Variants in MICAL1 observed in about 807,000 individuals in gnomAD.
MICAL1 encodes the protein [F-actin]-monooxygenase MICAL1.
MICAL1 carries 95 observed loss-of-function variants against 131.8 expected under a neutral mutation model. The ratio of observed to expected loss-of-function variants is 0.72; its 90% CI spans 0.61 to 0.86. MICAL1 has a LOEUF of 0.86. MICAL1 is among the 40% of genes least tolerant of loss of function. MICAL1 has a pLI of 0.00. For synonymous variants in MICAL1, 546 were observed against 554.2 expected (o/e 0.99, Z 0.21); for missense variants, 1,292 against 1,380.6 (o/e 0.94, Z 1.02).
Position 109,445,514 on chromosome 6 carries a change from C to T in MICAL1, c.2689G>A (p.Ala897Thr), listed in dbSNP as rs770550578. The change falls in exon 21 of 25, where the codon GCC becomes ACC. Residue 897 changes from alanine (A) to threonine (T), a missense_variant. Physicochemically the swap from Ala to Thr is moderately conservative, Grantham distance 58 (BLOSUM62 0). Coordinates refer to ENST00000358807, the MANE Select transcript of MICAL1 (RefSeq NM_022765.4). ...TTATTCATGGTGCCTGAGGTCTTGG[C>T]AAAGGTCTGCAGGGCCTATAGGAGG... ...SDVEQALQTF[A>T]KTSGTMNNYP... 2 of 1,614,072 alleles carry T rather than the reference C, an allele frequency of 1.2e-6. No individual in the cohort carries two copies. The highest frequency in any genetic ancestry group is 1.7e-5 in the Admixed American group (1 of 60,028).
At position 109,447,344 on chromosome 6, in the gene MICAL1, G is replaced by T. The variant is rs1484413292; in HGVS notation, c.2070+13C>A. ...CCCCGGGCCTCTGCCTGCACACAAA[G>T]CCTGGCTCTCACCTCCTGGTGTTGG... On this transcript the variant is annotated intron_variant, in intron 16 of 24. Coordinates refer to ENST00000358807, the MANE Select transcript of MICAL1 (RefSeq NM_022765.4). The T allele has an allele frequency of 6.2e-7, 1 of 1,613,296 alleles. No homozygotes were observed. Among genetic ancestry groups the T allele is most frequent in the Non-Finnish European group, 8.5e-7 (1 of 1,179,872 alleles).
At position 109,454,235 on chromosome 6, in the gene MICAL1, A is replaced by G; in HGVS notation, c.-39T>C. The G allele has an allele frequency of 6.4e-7, 1 of 1,558,192 alleles. No individual in the cohort carries two copies. The highest frequency in any genetic ancestry group is 1.4e-5 in the African/African-American group (1 of 73,386). ...GGAGGGCAGCAGCTGGGCAGAGATG[A>G]GTGGCTGGAGAGGTGGAAAAAGAAG... On this transcript the variant is annotated 5_prime_UTR_variant, in exon 2 of 25. Transcript: ENST00000358807.
intron 20 of MICAL1, 42 bp from the exon 21 acceptor site, chr6:109,445,571 C>T (rs759981578): frequency 4.4e-6 from 7 of 1,605,092 alleles, no homozygotes; most frequent in Non-Finnish European, 6.0e-6. Flanking sequence ...GCCTGGGCCC[C>T]CTGGTGGATA....
chr6:109,448,604 CTGAA>C (rs1352812809), intron 12 of MICAL1, 124 bp downstream of exon 12: 1 of 1,406,948 alleles, frequency 7.1e-7, no homozygotes, highest in Non-Finnish European at 9.8e-7. Context: ...TCTCCACTAT[CTGAA>C]TGCATTAGAG....
chr6:109,465,495 A>G (rs1332487786), intron 1 of MICAL1: 6 of 711,488 alleles, frequency 8.4e-6, no homozygotes, highest in East Asian at 5.4e-5. Flanking sequence ...ACAAAAAAAC[A>G]TAACTGGGGA....
chr6:109,444,361 T>TA, intron 24 of MICAL1, 22 bp from the exon 25 acceptor site: 1 of 1,613,154 alleles, frequency 6.2e-7, no homozygotes, highest in Admixed American at 1.7e-5. Context: ...AGACAAAGCT[T>TA]AGAGAACAGG....
Position 109,445,771 on chromosome 6 carries a change from C to G in MICAL1, c.2673G>C (p.Gln891His). 6.2e-7 allele frequency: 1 copy of G among 1,610,180 alleles called. No homozygotes were observed. The highest frequency in any genetic ancestry group is 8.5e-7 in the Non-Finnish European group (1 of 1,178,426). ...EDVPLDSDVE[Q>H]ALQTFAKTSG... The stretch of plus-strand genomic sequence containing the variant: ...TGTGGCTGCACGCTGGCCCACTCAC[C>G]TGTTCCACATCTGAGTCCAAAGGCA... Residue 891 changes from glutamine (Q) to histidine (H), a missense_variant and splice_region_variant, in exon 20 of 25, where the codon CAG (glutamine) becomes CAC (histidine). Gln to His is a conservative substitution (Grantham distance 24). Transcript: ENST00000358807.
rs374536962 is a variant in MICAL1, at chr6:109,453,742, C to T, written c.362G>A (p.Arg121His). 37 of 1,613,684 alleles carry T rather than the reference C, an allele frequency of 2.3e-5. No individual in the cohort carries two copies. The highest frequency in any genetic ancestry group is 2.7e-5 in the Non-Finnish European group (32 of 1,180,022). The change falls in exon 3 of 25, where the codon CGC becomes CAC. Residue 121 changes from arginine (R) to histidine (H), a missense_variant. Transcript: ENST00000358807. ...GGGCCAGAGGTGGAGCACGTTGTGG[C>T]GAGAGAACTTGGTGCGCTTTTCCAC... ...VLVEKRTKFS[R>H]HNVLHLWPFT... is the part of the protein sequence containing the mutation.
chr6:109,465,946 G>C, exon 1 of MICAL1: 1 of 1,614,190 alleles, frequency 6.2e-7, no homozygotes. Flanking sequence ...TGCTGAGCTG[G>C]ATCTGAAGTA....
chr6:109,446,191 G>T lies in MICAL1; in HGVS notation c.2526C>A (p.Arg842=), dbSNP rs772311721. Residue 842 remains arginine (R), a synonymous_variant, in exon 19 of 25, where the codon CGC becomes CGA. Coordinates refer to ENST00000358807, the MANE Select transcript of MICAL1 (RefSeq NM_022765.4). ...CCACAAAGCTGCTCTCCAGGGCGTG[G>T]CGGGCCAAGGCGGAGCAGCTGCGGG... The part of the protein sequence containing the change: ...KPPRSCSALA[R]HALESSFVGW... The T allele has an allele frequency of 6.3e-7, 1 of 1,587,450 alleles. No homozygotes were observed. Among genetic ancestry groups the T allele is most frequent in the Non-Finnish European group, 8.6e-7 (1 of 1,168,506 alleles).
upstream of MICAL1, among the ~76,000 whole-genome samples, chr6:109,458,965 T>C (rs954339787): frequency 5.9e-5 from 9 of 152,080 alleles, no homozygotes; most frequent in African/African-American, 1.7e-4. Flanking sequence ...CATGGTTTGA[T>C]TGAGGTTAGA....
chr6:109,445,055 T>TA (rs1455417123), intron 22 of MICAL1, 60 bp from the exon 23 acceptor site: 1 of 1,595,830 alleles, frequency 6.3e-7, no homozygotes, highest in African/African-American at 1.3e-5. Flanking sequence ...CCACAGGAGT[T>TA]ACAGGCTTAG....
upstream of MICAL1, among the ~76,000 whole-genome samples, chr6:109,458,408 C>T (rs138966308): frequency 7.5e-3 from 1,143 of 152,140 alleles, 12 homozygotes; most frequent in African/African-American, 0.025. Flanking sequence ...CCAGCCTGAG[C>T]AACATGGAGA....
chr6:109,451,862 T>G (rs1775556961), intron 6 of MICAL1, 162 bp from the exon 7 acceptor site: 1 of 1,419,542 alleles, frequency 7.0e-7, no homozygotes, highest in Admixed American at 2.8e-5. Context: ...CAAACAACCA[T>G]CTGTCCCAGG....
At chr6:109,448,692 C>A (rs570915163) in intron 12 of MICAL1, 40 bp downstream of exon 12, 4 of 1,611,704 alleles carry the variant, frequency 2.5e-6, no homozygotes, top group South Asian at 1.1e-5. Context: ...AACTCCTACA[C>A]TGAGATCATG....
upstream of MICAL1, chr6:109,456,116 G>T: frequency 1.4e-6 from 1 of 707,852 alleles, no homozygotes; most frequent in Non-Finnish European, 1.7e-6. Flanking sequence ...CCCAGTGCTG[G>T]ACCGCGCACC....
At chr6:109,451,790 G>C (rs1775553962) in intron 6 of MICAL1, 90 bp from the exon 7 acceptor site, 1 of 1,555,366 alleles carries the variant, frequency 6.4e-7, no homozygotes, top group Non-Finnish European at 8.7e-7. Flanking sequence ...CCTCTGAGCT[G>C]GGATCCCAGC....
intron 11 of MICAL1, chr6:109,449,162 T>C: frequency 1.5e-6 from 1 of 672,586 alleles, no homozygotes; most frequent in Non-Finnish European, 2.6e-6. Flanking sequence ...CCAGCACCAC[T>C]ATGGCTGTAA....
intron 1 of MICAL1, among the ~76,000 whole-genome samples, chr6:109,461,547 C>G (rs1303118748): frequency 6.6e-6 from 1 of 151,934 alleles, no homozygotes; most frequent in Non-Finnish European, 1.5e-5. Context: ...TGAGGCCAGC[C>G]TGGGCAATAT....
Sources: gnomAD v4.1 joint callset for allele counts (sites outside exome capture counted in the v4.1 genomes callset) on GRCh38, gnomAD v4.1.1 for gene constraint, MANE v1.5 for transcripts, NCBI Gene and HGNC (gene_info 2026-07-23, HGNC 2026-07-21) for gene names.